The following PGD variants were observed in gnomAD, a reference collection of about 807,000 sequenced individuals.
The protein encoded by PGD is phosphogluconate dehydrogenase.
PGD carries 21 observed loss-of-function variants against 60.4 expected under a neutral mutation model. That is an observed-to-expected ratio of 0.35 (90% CI 0.25 to 0.50). PGD has a LOEUF of 0.50. Ranked by LOEUF, PGD falls within the 20% of genes least tolerant of loss-of-function variation. The pLI is 0.98. For missense variants in PGD, 477 were observed against 613.1 expected, an observed-to-expected ratio of 0.78 and a Z score of 2.34; for synonymous variants, 230 against 235.9, an observed-to-expected ratio of 0.97 and a Z score of 0.23.
rs1193557055 is a variant in PGD at position 10,420,203 on chromosome 1, G to A, written c.*454G>A. On this transcript the variant is annotated 3_prime_UTR_variant, in exon 13 of 13. Transcript: ENST00000270776. ...CCACATGGAGCCATTATCCCCATTG[G>A]CAGAAAGATTTTTCTTTAAAAAAAA... The A allele has an allele frequency of 6.5e-6, 1 of 154,842 alleles. No individual in the cohort carries two copies. Among genetic ancestry groups the A allele is most frequent in the Middle Eastern group, 3.2e-3 (1 of 316 alleles). 9.6% of individuals were successfully genotyped at this position (154,842 alleles called of 1,614,324 possible).
intron 7 of PGD, 31 bp from the exon 8 acceptor site, chr1:10,413,031 A>G (rs1325451800): frequency 6.3e-7 from 1 of 1,593,468 alleles, no homozygotes; most frequent in Non-Finnish European, 8.6e-7. Flanking sequence ...TCATTCCTCT[A>G]ACATGGTTCT....
At chr1:10,405,425 C>CACACAT (rs548786254) in intron 5 of PGD, among the ~76,000 whole-genome samples, 32 of 149,572 alleles carry the variant, frequency 2.1e-4, no homozygotes, top group African/African-American at 6.4e-4. Context: ...CACACACACA[C>CACACAT]ATATATATAA....
At chr1:10,405,103 G>A (rs1370934738) in intron 5 of PGD, among the ~76,000 whole-genome samples, 1 of 152,256 alleles carries the variant, frequency 6.6e-6, no homozygotes, top group Middle Eastern at 3.4e-3. Context: ...GGCCGGGCGT[G>A]GTGGCTCACG....
chr1:10,411,563 G>A lies in PGD; in HGVS notation c.654+11G>A, dbSNP rs144161069. On this transcript the variant is annotated intron_variant, in intron 7 of 12. Transcript: ENST00000270776. ...GACGAGATGGCCCAGGTGAGGCCCC[G>A]GCACTGCCTCTGTGTCCGTTCTGCA... 634 of 1,613,716 alleles carry A rather than the reference G, an allele frequency of 3.9e-4. 1 individual carries two copies. The African/African-American group carries it at 7.3e-3, about 19-fold the overall frequency.
Position 10,403,129 on chromosome 1 carries a change from AC to A in PGD, c.324del (p.Asp108GlufsTer76). 6.3e-7 allele frequency: 1 copy of A among 1,599,626 alleles called. No homozygotes were observed. The highest frequency in any genetic ancestry group is 8.6e-7 in the Non-Finnish European group (1 of 1,166,778). ...IIDGGNSEYR[D>X]TTRRCRDLKA... The stretch of plus-strand genomic sequence containing the variant: ...GACGGAGGAAATTCTGAATATAGGG[AC>A]ACCACAGTAAGTGTTCTTCAGTCCA... On this transcript the variant is annotated frameshift_variant, in exon 4 of 13. Transcript: ENST00000270776. LOFTEE classifies it high-confidence loss of function.
At chr1:10,410,465 A>G (rs535319110) in intron 6 of PGD, among the ~76,000 whole-genome samples, 1 of 151,806 alleles carries the variant, frequency 6.6e-6, no homozygotes, top group African/African-American at 2.4e-5. Context: ...AAACACGGAC[A>G]ATGGAGTCCT....
At chr1:10,418,088 A>T (rs1362769577) in intron 10 of PGD, among the ~76,000 whole-genome samples, 1 of 151,920 alleles carries the variant, frequency 6.6e-6, no homozygotes, top group East Asian at 1.9e-4. Context: ...GCCTCTTGGG[A>T]ATTTTGCTCT....
intron 4 of PGD, 70 bp downstream of exon 4, chr1:10,403,206 A>G: frequency 9.6e-7 from 1 of 1,041,760 alleles, no homozygotes; most frequent in Non-Finnish European, 1.5e-6. Flanking sequence ...AGCATCGCAT[A>G]TGTGACAGTA....
At chr1:10,416,858 C>A in intron 8 of PGD, 129 bp from the exon 9 acceptor site, 1 of 755,682 alleles carries the variant, frequency 1.3e-6, no homozygotes, top group Non-Finnish European at 2.1e-6. Context: ...ATTTTCACTT[C>A]TTTTGTGATT....
intron 9 of PGD, 80 bp downstream of exon 9, chr1:10,417,197 C>G: frequency 6.5e-7 from 1 of 1,530,044 alleles, no homozygotes; most frequent in Non-Finnish European, 9.0e-7. Context: ...GGAGAACACT[C>G]GAGGCCACAG....
intron 8 of PGD, chr1:10,415,246 A>C (rs1365819764): frequency 2.0e-5 from 3 of 152,148 alleles, no homozygotes; most frequent in African/African-American, 7.2e-5. Flanking sequence ...TGTAAGGCAG[A>C]GTAAGGAGGA....
chr1:10,409,776 C>T (rs184877318), intron 6 of PGD, among the ~76,000 whole-genome samples: 24 of 150,788 alleles, frequency 1.6e-4, no homozygotes, highest in Non-Finnish European at 2.5e-4. Flanking sequence ...ATGCCTCAGC[C>T]TCCATTGTAG....
intron 5 of PGD, among the ~76,000 whole-genome samples, chr1:10,406,540 A>G (rs1347096257): frequency 6.6e-6 from 1 of 152,238 alleles, no homozygotes; most frequent in Non-Finnish European, 1.5e-5. Flanking sequence ...CTGTGGTGGC[A>G]GAAGTACAAA....
At chr1:10,406,701 T>C (rs1639411224) in intron 5 of PGD, among the ~76,000 whole-genome samples, 1 of 152,172 alleles carries the variant, frequency 6.6e-6, no homozygotes. Context: ...AAGCCTTGAC[T>C]GGCCATTAGG....
At chr1:10,415,277 TC>T (rs1390324601) in intron 8 of PGD, 1 of 152,116 alleles carries the variant, frequency 6.6e-6, no homozygotes, top group Non-Finnish European at 1.5e-5. Context: ...TTTCTACAGT[TC>T]CGTGCTGTAT....
At chr1:10,399,907 TGTGGGTCC>T in intron 2 of PGD, 1 of 600,052 alleles carries the variant, frequency 1.7e-6, no homozygotes, top group Non-Finnish European at 3.0e-6. Flanking sequence ...GGAGTGTGCC[TGTGGGTCC>T]GTGAGGTTCA....
At chr1:10,415,709 A>G (rs1346737822) in intron 8 of PGD, among the ~76,000 whole-genome samples, 1 of 152,236 alleles carries the variant, frequency 6.6e-6, no homozygotes, top group African/African-American at 2.4e-5. Context: ...TTCCTCAGAA[A>G]TAAAGTCCTC....
intron 5 of PGD, among the ~76,000 whole-genome samples, chr1:10,407,002 T>A (rs1362843251): frequency 6.6e-6 from 1 of 152,220 alleles, no homozygotes; most frequent in African/African-American, 2.4e-5. Flanking sequence ...AATCATACTG[T>A]CTGCTGCTGC....
intron 1 of PGD, chr1:10,399,402 C>T: frequency 2.1e-6 from 1 of 477,196 alleles, no homozygotes. Context: ...TCTGCAGGGA[C>T]ACCTGCGGGA....
Sources: gnomAD v4.1 joint callset for allele counts (sites outside exome capture counted in the v4.1 genomes callset) on GRCh38, gnomAD v4.1.1 for gene constraint, MANE v1.5 for transcripts, NCBI Gene and HGNC (gene_info 2026-07-23, HGNC 2026-07-21) for gene names.